CNTN4: variants seen among roughly 807,000 people sequenced by gnomAD.
CNTN4 encodes the protein contactin-4.
In CNTN4, 77 loss-of-function variants were observed where a neutral mutation model predicts 122.5. The ratio of observed to expected loss-of-function variants is 0.63; its 90% confidence interval spans 0.52 to 0.76. The LOEUF (loss-of-function observed/expected upper bound fraction) is 0.76. Ranked by LOEUF, CNTN4 falls within the 30% of genes least tolerant of loss-of-function variation. The probability of loss-of-function intolerance (pLI) is 0.00; values close to 1 mark genes in which losing one functional copy is unlikely to be tolerated. For missense variants in CNTN4, 1,256 were observed against 1,259.1 expected, an observed-to-expected ratio of 1.00 and a Z score of 0.04; for synonymous variants, 512 against 447.0, an observed-to-expected ratio of 1.15 and a Z score of -1.83.
At chr3:2,298,850 T>C (rs2042404180) in intron 2 of CNTN4, among the ~76,000 whole-genome samples, 1 of 152,186 alleles carries the variant, frequency 6.6e-6, no homozygotes, top group African/African-American at 2.4e-5. Flanking sequence ...TTGTGAGGAG[T>C]AAATTAATGC....
chr3:2,738,823 C>T (rs894294838), intron 5 of CNTN4, among the ~76,000 whole-genome samples: 4 of 151,902 alleles, frequency 2.6e-5, no homozygotes, highest in African/African-American at 9.7e-5. Flanking sequence ...GATGGGTTTA[C>T]ATATTTATGA....
intron 2 of CNTN4, among the ~76,000 whole-genome samples, chr3:2,133,418 A>G (rs2034542217): frequency 6.6e-6 from 1 of 152,164 alleles, no homozygotes; most frequent in Admixed American, 6.5e-5. Flanking sequence ...GGCTGTTGCT[A>G]GCAGAGGACT....
chr3:3,021,794 T>C (rs1053291522), intron 14 of CNTN4, among the ~76,000 whole-genome samples: 2 of 152,182 alleles, frequency 1.3e-5, no homozygotes, highest in Non-Finnish European at 1.5e-5. Context: ...TAATAAGAAC[T>C]ATCAGCCAGG....
chr3:2,846,212 C>A (rs188871222), intron 7 of CNTN4, among the ~76,000 whole-genome samples: 1 of 152,126 alleles, frequency 6.6e-6, no homozygotes, highest in Non-Finnish European at 1.5e-5. Flanking sequence ...AATTGTAGTT[C>A]CCATAATCCC....
chr3:2,395,872 T>G (rs1345361418), intron 3 of CNTN4, among the ~76,000 whole-genome samples: 1 of 152,130 alleles, frequency 6.6e-6, no homozygotes, highest in Non-Finnish European at 1.5e-5. Context: ...AAAATAATCT[T>G]TAAGATTATC....
intron 6 of CNTN4, among the ~76,000 whole-genome samples, chr3:2,816,296 A>G (rs9853373): frequency 0.69 from 98,618 of 143,530 alleles, 34,550 homozygotes; most frequent in African/African-American, 0.75. Flanking sequence ...AGAGCTTGCA[A>G]TGAGCCGAGA....
intron 13 of CNTN4, among the ~76,000 whole-genome samples, chr3:2,940,479 A>G (rs1378729031): frequency 6.6e-6 from 1 of 152,222 alleles, no homozygotes; most frequent in African/African-American, 2.4e-5. Flanking sequence ...AAGGAATCGG[A>G]AGCTTAGATA....
chr3:2,602,480 C>T (rs973321041), intron 4 of CNTN4, among the ~76,000 whole-genome samples: 4 of 152,114 alleles, frequency 2.6e-5, no homozygotes, highest in Non-Finnish European at 5.9e-5. Flanking sequence ...CAGTGAACTC[C>T]CATTCACAAT....
intron 12 of CNTN4, 144 bp downstream of exon 12, chr3:2,903,149 A>G: frequency 3.9e-6 from 3 of 762,440 alleles, no homozygotes; most frequent in South Asian, 3.4e-5. Context: ...GAAACAAGTA[A>G]TAAGCAAGTC....
At chr3:2,758,516 A>G (rs377086154) in intron 6 of CNTN4, among the ~76,000 whole-genome samples, 5 of 67,256 alleles carry the variant, frequency 7.4e-5, no homozygotes, top group Non-Finnish European at 2.0e-4. Flanking sequence ...TCAACACCAT[A>G]CTTTTTTTTT....
chr3:2,397,261 A>G (rs1238066587), intron 3 of CNTN4, among the ~76,000 whole-genome samples: 1 of 152,194 alleles, frequency 6.6e-6, no homozygotes, highest in Non-Finnish European at 1.5e-5. Context: ...TTCTTATGCG[A>G]ATTACAGCTC....
chr3:2,217,935 G>C (rs147235547), intron 2 of CNTN4, among the ~76,000 whole-genome samples: 7 of 152,258 alleles, frequency 4.6e-5, no homozygotes, highest in African/African-American at 1.4e-4. Context: ...TACCACTTAG[G>C]GAGTTTAAAG....
intron 2 of CNTN4, among the ~76,000 whole-genome samples, chr3:2,228,393 T>G (rs2039365968): frequency 6.6e-6 from 1 of 152,162 alleles, no homozygotes; most frequent in Non-Finnish European, 1.5e-5. Context: ...GTCTCACTCA[T>G]TTGTTTAAGT....
chr3:2,374,602 G>A (rs1487310593), intron 3 of CNTN4, among the ~76,000 whole-genome samples: 2 of 151,882 alleles, frequency 1.3e-5, no homozygotes, highest in African/African-American at 4.8e-5. Context: ...ATGCATTCCT[G>A]ATGGACCTCA....
intron 3 of CNTN4, among the ~76,000 whole-genome samples, chr3:2,521,351 A>ACCCCCACCCCCC (rs1559632310): frequency 4.3e-4 from 49 of 115,252 alleles, no homozygotes; most frequent in African/African-American, 1.5e-3. Flanking sequence ...CATCCCCCCC[A>ACCCCCACCCCCC]CCCCCCGCAA....
intron 3 of CNTN4, among the ~76,000 whole-genome samples, chr3:2,436,513 A>G (rs1484112670): frequency 6.6e-6 from 1 of 151,990 alleles, no homozygotes; most frequent in East Asian, 1.9e-4. Flanking sequence ...GGTGTTTTTT[A>G]AGCTTTTAAT....
chr3:2,118,819 G>C (rs1019255763), intron 2 of CNTN4, among the ~76,000 whole-genome samples: 1 of 152,154 alleles, frequency 6.6e-6, no homozygotes, highest in African/African-American at 2.4e-5. Context: ...CTCAGAACAT[G>C]ATGTTTCATT....
Position 3,037,203 on chromosome 3 carries a change from C to T in CNTN4, c.1967C>T (p.Thr656Ile), listed in dbSNP as rs778796766. Residue 656 changes from threonine (T) to isoleucine (I), a missense_variant, in exon 18 of 25, where the codon ACA becomes ATA. Coordinates refer to ENST00000418658, the MANE Select transcript of CNTN4 (RefSeq NM_175607.3). ...STVPELIDGK[T>I]FTATVVGLNP... is the part of the protein sequence containing the mutation. ...GTCCCAGAACTCATTGATGGGAAGA[C>T]ATTCACAGCGACCGTGGTGGGTTTG... 3.7e-6 allele frequency: 6 copies of T among 1,614,086 alleles called. No individual in the cohort carries two copies. The African/African-American group carries it at 4.0e-5, about 11-fold the overall frequency.
intron 7 of CNTN4, among the ~76,000 whole-genome samples, chr3:2,823,788 T>C (rs978725627): frequency 6.6e-6 from 1 of 152,168 alleles, no homozygotes; most frequent in Non-Finnish European, 1.5e-5. Flanking sequence ...CCTCACAAAC[T>C]GTTCATCAAG....
Sources: allele counts gnomAD v4.1 joint callset (sites outside exome capture counted in the v4.1 genomes callset), GRCh38; gene constraint gnomAD v4.1.1; transcripts MANE v1.5; gene names NCBI Gene and HGNC (gene_info 2026-07-23, HGNC 2026-07-21).